PTPRB: variants seen among roughly 807,000 people sequenced by gnomAD.
The protein encoded by PTPRB is protein tyrosine phosphatase receptor type B.
In PTPRB, 97 loss-of-function variants were observed where a neutral mutation model predicts 238.1. The observed-to-expected ratio is 0.41, with a 90% CI of 0.35 to 0.48. PTPRB has a LOEUF of 0.48. PTPRB is among the 20% of genes least tolerant of loss of function. PTPRB has a pLI of 0.30. For missense variants in PTPRB, 2,292 were observed against 2,681.9 expected, an observed-to-expected ratio of 0.85 and a Z score of 3.21; for synonymous variants, 970 against 995.4, an observed-to-expected ratio of 0.97 and a Z score of 0.48.
intron 32 of PTPRB, among the ~76,000 whole-genome samples, chr12:70,531,403 C>T (rs1873219060): frequency 6.6e-6 from 1 of 152,012 alleles, no homozygotes; most frequent in East Asian, 1.9e-4. Flanking sequence ...GGCATTGATG[C>T]AGAGGAGTGA....
chr12:70,620,170 A>G (rs1884864300), intron 3 of PTPRB, among the ~76,000 whole-genome samples: 1 of 152,336 alleles, frequency 6.6e-6, no homozygotes, highest in Non-Finnish European at 1.5e-5. Flanking sequence ...CTGATGCCCT[A>G]CCTGGGAGCT....
chr12:70,596,103 T>A lies in PTPRB; in HGVS notation c.1204A>T (p.Thr402Ser). 1 of 1,613,254 alleles carries A rather than the reference T, an allele frequency of 6.2e-7. No individual in the cohort carries two copies. Among genetic ancestry groups the A allele is most frequent in the South Asian group, 1.1e-5 (1 of 91,004 alleles). ...GAACGTTTTCCTCCAGAAACAGCTG[T>A]GATGGCAATATTGTATTTACTACCA... ...TAGSKYNIAI[T>S]AVSGGKRSFS... is the part of the protein sequence containing the mutation. The change falls in exon 5 of 34, where the codon ACA becomes TCA. Residue 402 changes from threonine to serine, a missense_variant. By Grantham distance (58) the Thr-to-Ser change is moderately conservative. Around this residue, in one of 4 missense-constraint regions of PTPRB, gnomAD observed 1,205 missense variants for 1,287.8 expected, o/e 0.94. Coordinates refer to ENST00000334414, the MANE Select transcript of PTPRB (RefSeq NM_001109754.4).
intron 32 of PTPRB, among the ~76,000 whole-genome samples, chr12:70,525,728 C>A (rs1432595887): frequency 2.0e-5 from 3 of 152,186 alleles, no homozygotes; most frequent in Admixed American, 6.5e-5. Context: ...TCTGCGGAAC[C>A]TTCCCTTGCT....
chr12:70,574,395 T>C (rs995417292), intron 11 of PTPRB, among the ~76,000 whole-genome samples: 1 of 152,192 alleles, frequency 6.6e-6, no homozygotes, highest in African/African-American at 2.4e-5. Flanking sequence ...CTAAAACCAA[T>C]TACAGTGTTG....
At position 70,517,912 on chromosome 12, in the gene PTPRB, T is replaced by A. The variant is rs900671051; in HGVS notation, c.*3577A>T. 25 of 152,262 alleles carry A rather than the reference T, an allele frequency of 1.6e-4. No individual in the cohort carries two copies. Among genetic ancestry groups the A allele is most frequent in the Non-Finnish European group, 8.8e-5 (6 of 68,028 alleles). 9.4% of individuals were successfully genotyped at this position (152,262 alleles called of 1,614,324 possible). On this transcript the variant is annotated 3_prime_UTR_variant, in exon 34 of 34. Coordinates refer to ENST00000334414, the MANE Select transcript of PTPRB (RefSeq NM_001109754.4). ...ATTATTGCAAAAGGTAAGGAAAATG[T>A]TTAACATAAGAAACTGGATCCTTAA...
chr12:70,559,324 G>C lies in PTPRB; in HGVS notation c.4714+19C>G. 1 of 1,593,646 alleles carries C rather than the reference G, an allele frequency of 6.3e-7. No homozygotes were observed. The highest frequency in any genetic ancestry group is 8.6e-7 in the Non-Finnish European group (1 of 1,161,512). ...CCTCTACTCCATTTGAGAAATAAGA[G>C]TAGCAAAACATGTCATACTTGTCCT... On this transcript the variant is annotated intron_variant, in intron 18 of 33. Transcript: ENST00000334414.
At chr12:70,581,428 G>C in intron 9 of PTPRB, 126 bp from the exon 10 acceptor site, 1 of 1,001,082 alleles carries the variant, frequency 1.0e-6, no homozygotes, top group Admixed American at 2.9e-5. Context: ...TGTTGCTATA[G>C]ACTCTCAGTT....
rs1469106986 is a variant in PTPRB, at chr12:70,560,813, A to C, written c.4290T>G (p.Asn1430Lys). 1 of 1,613,938 alleles carries C rather than the reference A, an allele frequency of 6.2e-7. No homozygotes were observed. Among genetic ancestry groups the C allele is most frequent in the East Asian group, 2.2e-5 (1 of 44,868 alleles). The change falls in exon 17 of 34, where the codon AAT becomes AAG. Residue 1430 changes from asparagine to lysine, a missense_variant. Around this residue, in one of 4 missense-constraint regions of PTPRB, gnomAD observed 683 missense variants for 862.0 expected, o/e 0.79. Coordinates refer to ENST00000334414, the MANE Select transcript of PTPRB (RefSeq NM_001109754.4). This position sits in a 1 kb window ranked among gnomAD's most constrained non-coding sequence, Gnocchi z 4.2. The part of the protein sequence containing the change: ...DFYELILYNP[N>K]GTKKENWKDK... The stretch of plus-strand genomic sequence containing the variant: ...CTTTCCAGTTTTCCTTCTTTGTGCC[A>C]TTGGGATTATAGAGAATCAGCTCAT...
At chr12:70,601,433 T>C (rs1346174362) in intron 4 of PTPRB, among the ~76,000 whole-genome samples, 1 of 152,180 alleles carries the variant, frequency 6.6e-6, no homozygotes, top group Non-Finnish European at 1.5e-5. Context: ...AAAGTCTAAG[T>C]TTCTTTCTAG....
At chr12:70,609,776 T>G in intron 3 of PTPRB, 2 of 1,586,596 alleles carry the variant, frequency 1.3e-6, no homozygotes, top group Admixed American at 1.8e-5. Flanking sequence ...GCAGGCTCAG[T>G]GTGATCCACA....
chr12:70,587,063 G>A lies in PTPRB; in HGVS notation c.2255C>T (p.Thr752Ile), dbSNP rs1881988447. Residue 752 changes from threonine (T) to isoleucine (I), a missense_variant, in exon 9 of 34, where the codon ACA (threonine) becomes ATA (isoleucine). By Grantham distance (89) the Thr-to-Ile change is moderately conservative. Transcript: ENST00000334414. The part of the protein sequence containing the change: ...DLVPGRKYMA[T>I]VTSISGDLKN... Reference sequence around the variant, plus strand: ...TAAGTCTCCACTAATACTGGTGACTGTAGCCATGTATTTTCGTCCAGGCAC... The same window carrying A: ...TAAGTCTCCACTAATACTGGTGACTATAGCCATGTATTTTCGTCCAGGCAC... The A allele has an allele frequency of 3.1e-6, 5 of 1,613,790 alleles. No individual in the cohort carries two copies. The highest frequency in any genetic ancestry group is 4.2e-6 in the Non-Finnish European group (5 of 1,179,670).
intron 18 of PTPRB, 171 bp downstream of exon 18, chr12:70,559,172 G>T: frequency 1.4e-6 from 1 of 690,544 alleles, no homozygotes; most frequent in South Asian, 1.8e-5. Flanking sequence ...ATTGTCCCTT[G>T]TTGTTAATGT....
intron 21 of PTPRB, among the ~76,000 whole-genome samples, chr12:70,551,059 C>T (rs1876807963): frequency 1.3e-5 from 2 of 152,120 alleles, no homozygotes. Flanking sequence ...CCGTGCCTGG[C>T]CAACTTTTGT....
At chr12:70,594,996 C>T (rs180807258) in intron 5 of PTPRB, among the ~76,000 whole-genome samples, 14 of 152,088 alleles carry the variant, frequency 9.2e-5, no homozygotes, top group African/African-American at 1.9e-4. Context: ...AAGTATATAA[C>T]ATTGCACAGC....
chr12:70,539,701 A>T lies in PTPRB; in HGVS notation c.5702T>A (p.Ile1901Lys), dbSNP rs1440358780. The part of the protein sequence containing the change: ...QKGNRKTSCP[I>K]KINQFEGHFM... Reference sequence around the variant, plus strand: ...ATGCCCTTCAAACTGATTTATTTTTATTGGACTGTAATTAAAAATGAAACA... The same window carrying T: ...ATGCCCTTCAAACTGATTTATTTTTTTTGGACTGTAATTAAAAATGAAACA... Residue 1901 changes from isoleucine to lysine, a missense_variant, in exon 26 of 34, where the codon ATA becomes AAA. By Grantham distance (102) the Ile-to-Lys change is moderately radical (BLOSUM62 -3). Around this residue, in one of 4 missense-constraint regions of PTPRB, gnomAD observed 397 missense variants for 502.0 expected, o/e 0.79. Coordinates refer to ENST00000334414, the MANE Select transcript of PTPRB (RefSeq NM_001109754.4). 6.2e-7 allele frequency: 1 copy of T among 1,602,146 alleles called. No homozygotes were observed. Among genetic ancestry groups the T allele is most frequent in the East Asian group, 2.2e-5 (1 of 44,758 alleles).
In PTPRB at chr12:70,553,844, T is replaced by C. The variant is rs144809324; in HGVS notation, c.5144-824A>G. Among the ~76,000 whole-genome samples the C allele has an allele frequency of 1.1e-3, 173 of 152,300 alleles. 1 individual carries two copies. Among genetic ancestry groups the C allele is most frequent in the African/African-American group, 4.1e-3 (169 of 41,570 alleles). ...AAAGAAATGTTGTCTTTAGCATGAG[T>C]GTGTACACTATAAATGGCGTTTATA... is the stretch of plus-strand genomic sequence containing the variant. On this transcript the variant is annotated intron_variant, in intron 20 of 33. Coordinates refer to ENST00000334414, the MANE Select transcript of PTPRB (RefSeq NM_001109754.4).
intron 15 of PTPRB, among the ~76,000 whole-genome samples, chr12:70,564,855 T>G (rs758334667): frequency 2.6e-5 from 2 of 77,074 alleles, no homozygotes; most frequent in South Asian, 8.6e-4. Context: ...ATAATAATAA[T>G]AATAATAATA....
At chr12:70,546,901 T>C (rs1876052299) in intron 21 of PTPRB, among the ~76,000 whole-genome samples, 4 of 152,318 alleles carry the variant, frequency 2.6e-5, no homozygotes, top group Middle Eastern at 3.4e-3. Context: ...AAGTCCCTCC[T>C]ACTGTGAAGA....
rs1565890221 is a variant in PTPRB, at chr12:70,518,626, T to G, written c.*2863A>C. ...CTCAGAGGTTTAAGGGATAGAGAAT[T>G]ACTTAGGACAAATATGTGCAAGCCC... On this transcript the variant is annotated 3_prime_UTR_variant, in exon 34 of 34. Coordinates refer to ENST00000334414, the MANE Select transcript of PTPRB (RefSeq NM_001109754.4). 6.6e-6 allele frequency: 1 copy of G among 152,084 alleles called. No homozygotes were observed. Among genetic ancestry groups the G allele is most frequent in the Non-Finnish European group, 1.5e-5 (1 of 68,008 alleles). 9.4% of individuals were successfully genotyped at this position (152,084 alleles called of 1,614,324 possible). A position where few individuals can be genotyped will look rare whatever the true frequency, so the allele number is the denominator to read the frequency against.
Sources: gnomAD v4.1 joint callset for allele counts (sites outside exome capture counted in the v4.1 genomes callset) on GRCh38, gnomAD v4.1.1 for gene constraint, gnomAD v4.1.1 regional missense constraint, Gnocchi (gnomAD v3.1) non-coding constraint, MANE v1.5 for transcripts, NCBI Gene and HGNC (gene_info 2026-07-23, HGNC 2026-07-21) for gene names.